Variants in ALKBH3 observed in about 807,000 individuals in gnomAD.
ALKBH3 encodes alkB homolog 3, alpha-ketoglutarate dependent dioxygenase, also known as alpha-ketoglutarate-dependent dioxygenase alkB homolog 3.
Under a neutral mutation model 43.9 loss-of-function variants are expected in ALKBH3, and 51 were observed. That is an observed-to-expected ratio of 1.16 (90% CI 0.93 to 1.47). ALKBH3 has a LOEUF of 1.47. Ranked by LOEUF, ALKBH3 falls within the 40% of genes most tolerant of loss-of-function variation. The pLI, the probability that ALKBH3 is intolerant of heterozygous loss-of-function variation, is 0.00. For missense variants in ALKBH3, 361 were observed against 351.9 expected (o/e 1.03, Z -0.21); for synonymous variants, 102 against 115.2 (o/e 0.89, Z 0.73).
chr11:43,909,957 C>T (rs150372028), intron 8 of ALKBH3: 1 of 152,366 alleles, frequency 6.6e-6, no homozygotes, highest in Non-Finnish European at 1.5e-5. Flanking sequence ...TATCCTCATA[C>T]CGTTGACCTC....
In ALKBH3 at chr11:43,889,754, T is replaced by A; in HGVS notation, c.296T>A (p.Val99Glu). The A allele has an allele frequency of 6.2e-7, 1 of 1,614,120 alleles. No individual in the cohort carries two copies. Among genetic ancestry groups the A allele is most frequent in the Non-Finnish European group, 8.5e-7 (1 of 1,180,002 alleles). The change falls in exon 6 of 10, where the codon GTG becomes GAG. Residue 99 changes from valine to glutamate, a missense_variant. By Grantham distance (121) the Val-to-Glu change is moderately radical. Coordinates refer to ENST00000302708, the MANE Select transcript of ALKBH3 (RefSeq NM_139178.4). ...RVCLYPGFVDVKEADWILEQL... is the reference protein window; with the variant it reads ...RVCLYPGFVDEKEADWILEQL... The stretch of plus-strand genomic sequence containing the variant: ...TGTTTGTATCCTGGCTTTGTTGACG[T>A]GAAAGAAGCTGACTGGATATTGGAA...
intron 7 of ALKBH3, chr11:43,897,178 G>C (rs991265808): frequency 2.0e-6 from 1 of 512,324 alleles, no homozygotes; most frequent in Non-Finnish European, 3.9e-6. Context: ...AATATGAAAA[G>C]TTTGACATGG....
intron 9 of ALKBH3, chr11:43,919,526 C>A: frequency 7.2e-6 from 2 of 277,248 alleles, no homozygotes; most frequent in Non-Finnish European, 1.4e-5. Flanking sequence ...TGCAGCTAGG[C>A]CATGCCATTT....
rs115476184 is a variant in ALKBH3 at position 43,911,443 on chromosome 11, A to C, written c.670-7595A>C. On this transcript the variant is annotated intron_variant, in intron 8 of 9. Coordinates refer to ENST00000302708, the MANE Select transcript of ALKBH3 (RefSeq NM_139178.4). ...GGAGGAGTTCCTTCTTCTACGTGCA[A>C]AATCTGAGGTGCCTGAGGCTTCCAA... is the stretch of plus-strand genomic sequence containing the variant. Among the ~76,000 whole-genome samples, 1,144 of 152,248 alleles carry C rather than the reference A, an allele frequency of 7.5e-3. 10 individuals are homozygous for C. Among genetic ancestry groups the C allele is most frequent in the African/African-American group, 0.025 (1,055 of 41,540 alleles).
At chr11:43,895,857 T>C (rs1323396723) in intron 7 of ALKBH3, among the ~76,000 whole-genome samples, 1 of 152,228 alleles carries the variant, frequency 6.6e-6, no homozygotes, top group Non-Finnish European at 1.5e-5. Flanking sequence ...GCCAGTTTCA[T>C]TTAAGAATGT....
At chr11:43,903,900 A>G (rs956251678) in intron 8 of ALKBH3, among the ~76,000 whole-genome samples, 1 of 152,208 alleles carries the variant, frequency 6.6e-6, no homozygotes, top group Non-Finnish European at 1.5e-5. Flanking sequence ...TCTCCCCTCC[A>G]GAGAGCTGAA....
At chr11:43,895,049 AT>A (rs1452146134) in intron 7 of ALKBH3, among the ~76,000 whole-genome samples, 2 of 152,222 alleles carry the variant, frequency 1.3e-5, no homozygotes, top group African/African-American at 4.8e-5. Context: ...ACAACAAGGA[AT>A]TCCATCTTTA....
intron 6 of ALKBH3, among the ~76,000 whole-genome samples, chr11:43,891,035 TTTTGAGTATTTTTGATCCATGG>T (rs1345323070): frequency 6.6e-6 from 1 of 152,200 alleles, no homozygotes; most frequent in Non-Finnish European, 1.5e-5. Flanking sequence ...TTTATATATT[TTTTGAGTATTTTTGATCCATGG>T]TTTGAGTATT....
At position 43,889,776 on chromosome 11, in the gene ALKBH3, G is replaced by A. The variant is rs1211299821; in HGVS notation, c.318G>A (p.Leu106=). 7.4e-6 allele frequency: 12 copies of A among 1,613,898 alleles called. No individual in the cohort carries two copies. The East Asian group carries it at 2.7e-4, about 36-fold the overall frequency. The change falls in exon 6 of 10, where the codon TTG becomes TTA. Residue 106 remains leucine (L), a synonymous_variant. Coordinates refer to ENST00000302708, the MANE Select transcript of ALKBH3 (RefSeq NM_139178.4). ...ACGTGAAAGAAGCTGACTGGATATT[G>A]GAACAGCTTTGTCAAGATGTTCCCT... The part of the protein sequence containing the change: ...FVDVKEADWI[L]EQLCQDVPWK...
rs1565126844 is a variant in ALKBH3 at position 43,901,646 on chromosome 11, C to T, written c.590C>T (p.Ser197Leu). The T allele has an allele frequency of 8.1e-6, 13 of 1,614,252 alleles. No homozygotes were observed. Among genetic ancestry groups the T allele is most frequent in the Non-Finnish European group, 8.5e-6 (10 of 1,180,042 alleles). ...GACTGGCACAGTGATGATGAACCCT[C>T]ACTAGGGAGGTGCCCCATTATTGCT... ...SVDWHSDDEP[S>L]LGRCPIIASL... The change falls in exon 8 of 10, where the codon TCA (serine) becomes TTA (leucine). Residue 197 changes from serine (S) to leucine (L), a missense_variant. Coordinates refer to ENST00000302708, the MANE Select transcript of ALKBH3 (RefSeq NM_139178.4).
rs372711510 is a variant in ALKBH3, at chr11:43,901,601, G to C, written c.545G>C (p.Arg182Pro). 1 of 1,614,212 alleles carries C rather than the reference G, an allele frequency of 6.2e-7. No individual in the cohort carries two copies. Among genetic ancestry groups the C allele is most frequent in the African/African-American group, 1.3e-5 (1 of 75,062 alleles). ...AACTCCTTACTCTGCAATCTTTATC[G>C]CAATGAGAAGGACAGCGTGGACTGG... is the stretch of plus-strand genomic sequence containing the variant. ...TFNSLLCNLYRNEKDSVDWHS... is the reference protein window; with the variant it reads ...TFNSLLCNLYPNEKDSVDWHS... The change falls in exon 8 of 10, where the codon CGC becomes CCC. Residue 182 changes from arginine (R) to proline (P), a missense_variant. Physicochemically the swap from Arg to Pro is moderately radical, Grantham distance 103 (BLOSUM62 -2). Transcript: ENST00000302708.
chr11:43,916,809 G>C (rs529718986), intron 8 of ALKBH3: 1 of 152,244 alleles, frequency 6.6e-6, no homozygotes, highest in Non-Finnish European at 1.5e-5. Flanking sequence ...TCTTGCTTCA[G>C]TTGAAGGGTG....
intron 7 of ALKBH3, chr11:43,899,389 C>G (rs1395024176): frequency 1.4e-6 from 1 of 704,074 alleles, no homozygotes; most frequent in Non-Finnish European, 2.7e-6. Context: ...TGCTCGCGTC[C>G]CTGCAGATCT....
At chr11:43,895,093 G>A (rs1316438971) in intron 7 of ALKBH3, among the ~76,000 whole-genome samples, 1 of 152,224 alleles carries the variant, frequency 6.6e-6, no homozygotes, top group Non-Finnish European at 1.5e-5. Flanking sequence ...AAAGCTGAGT[G>A]ATTATGTAAG....
At chr11:43,890,813 G>A (rs1360545239) in intron 6 of ALKBH3, among the ~76,000 whole-genome samples, 4 of 151,990 alleles carry the variant, frequency 2.6e-5, no homozygotes, top group South Asian at 2.1e-4. Context: ...GCAGTGAGCC[G>A]AGATCGCGCC....
intron 5 of ALKBH3, among the ~76,000 whole-genome samples, chr11:43,889,475 A>T (rs1037318528): frequency 6.6e-6 from 1 of 152,206 alleles, no homozygotes; most frequent in African/African-American, 2.4e-5. Flanking sequence ...TATGATCTAT[A>T]AAAGCCCTCA....
At chr11:43,897,455 C>A in intron 7 of ALKBH3, 1 of 738,500 alleles carries the variant, frequency 1.4e-6, no homozygotes, top group East Asian at 2.5e-5. Context: ...GTATTACAAT[C>A]ATGGTGCAAA....
chr11:43,883,389 C>A lies in ALKBH3; in HGVS notation c.183+201C>A, dbSNP rs113984408. On this transcript the variant is annotated intron_variant, in intron 3 of 9. Transcript: ENST00000302708. ...TCGTAGTCTGCTCCCAGTTTATGGT[C>A]ACATGTTATTCCCGTATTTTTGGCA... 9.5e-3 allele frequency among the ~76,000 whole-genome samples: 1,453 copies of A among 152,278 alleles called. 16 individuals are homozygous for A. Among genetic ancestry groups the A allele is most frequent in the Middle Eastern group, 0.017 (5 of 294 alleles).
Position 43,882,585 on chromosome 11 carries a change from A to G in ALKBH3, c.-68A>G. ...TTTTGTTTTGTTTTAATAAACAGAT[A>G]CCATGGAGTAGTTTGAAACAGGAAC... On this transcript the variant is annotated splice_region_variant and 5_prime_UTR_variant, in exon 2 of 10. The change creates a new upstream start codon in the 5' untranslated region. Coordinates refer to ENST00000302708, the MANE Select transcript of ALKBH3 (RefSeq NM_139178.4). The G allele has an allele frequency of 7.1e-7, 1 of 1,411,828 alleles. No homozygotes were observed. The highest frequency in any genetic ancestry group is 9.7e-7 in the Non-Finnish European group (1 of 1,025,796). 87.5% of individuals were successfully genotyped at this position (1,411,828 alleles called of 1,614,324 possible).
Sources: allele counts gnomAD v4.1 joint callset (sites outside exome capture counted in the v4.1 genomes callset), GRCh38; gene constraint gnomAD v4.1.1; transcripts MANE v1.5; gene names NCBI Gene and HGNC (gene_info 2026-07-23, HGNC 2026-07-21).